The following NID2 variants were observed in gnomAD, a reference collection of about 807,000 sequenced individuals.
The protein encoded by NID2 is nidogen-2.
A neutral mutation model predicts 145.4 loss-of-function variants in NID2; 83 were observed. That is an observed-to-expected ratio of 0.57 (90% CI 0.48 to 0.69). The LOEUF is 0.69. Among genes scored for constraint, NID2 ranks in the 30% least tolerant of loss-of-function variants. The pLI, the probability that NID2 is intolerant of heterozygous loss-of-function variation, is 0.00. For synonymous variants in NID2, 739 were observed against 701.3 expected (o/e 1.05, Z -0.85); for missense variants, 1,807 against 1,765.7 (o/e 1.02, Z -0.42).
chr14:52,007,802 A>G lies in NID2; in HGVS notation c.3880+8T>C. On this transcript the variant is annotated splice_region_variant and intron_variant, in intron 19 of 21. Coordinates refer to ENST00000216286, the MANE Select transcript of NID2 (RefSeq NM_007361.4). ...GGTTATCTATTTGCATTCCATCAGT[A>G]GTATTACCTGCATCTGCCCAGCAGA... 6.2e-7 allele frequency: 1 copy of G among 1,611,332 alleles called. No individual in the cohort carries two copies. Among genetic ancestry groups the G allele is most frequent in the Admixed American group, 1.7e-5 (1 of 59,628 alleles).
Position 52,029,657 on chromosome 14 carries a change from T to C in NID2, c.2291A>G (p.Tyr764Cys), listed in dbSNP as rs1891728132. Residue 764 changes from tyrosine to cysteine, a missense_variant, in exon 10 of 22, where the codon TAT becomes TGT. Tyr to Cys is a radical substitution (Grantham distance 194). Coordinates refer to ENST00000216286, the MANE Select transcript of NID2 (RefSeq NM_007361.4). Reference protein sequence around the residue: ...DSDPTPGNPCYDGSHMCDTTA... With the variant: ...DSDPTPGNPCCDGSHMCDTTA... ...TGTGTCACACATGTGGCTCCCATCATAGCAAGGATTCCCCGGAGTGGGGTC... is the reference window on the plus strand; with the variant it reads ...TGTGTCACACATGTGGCTCCCATCACAGCAAGGATTCCCCGGAGTGGGGTC... 1 of 1,614,028 alleles carries C rather than the reference T, an allele frequency of 6.2e-7. No individual in the cohort carries two copies. Among genetic ancestry groups the C allele is most frequent in the South Asian group, 1.1e-5 (1 of 91,072 alleles).
At chr14:52,009,405 A>G (rs761651485) in intron 18 of NID2, 3 of 152,216 alleles carry the variant, frequency 2.0e-5, no homozygotes, top group Non-Finnish European at 2.9e-5. Flanking sequence ...TAGAAAGCAA[A>G]TGAGAAATAT....
chr14:52,065,680 G>T (rs1893177782), intron 2 of NID2, among the ~76,000 whole-genome samples: 1 of 84,778 alleles, frequency 1.2e-5, no homozygotes, highest in African/African-American at 5.7e-5. Flanking sequence ...ACAGTCCCCA[G>T]AGTGTGATAT....
chr14:52,030,421 T>C (rs1891759754), intron 9 of NID2, among the ~76,000 whole-genome samples: 1 of 149,844 alleles, frequency 6.7e-6, no homozygotes, highest in Non-Finnish European at 1.5e-5. Context: ...GAGGATAGTT[T>C]GAAGCCAGGA....
intron 12 of NID2, among the ~76,000 whole-genome samples, chr14:52,022,187 C>T (rs1265282309): frequency 6.7e-6 from 1 of 150,048 alleles, no homozygotes; most frequent in East Asian, 1.9e-4. Flanking sequence ...AACCTTCAGC[C>T]TAAGAATTCT....
chr14:52,042,809 C>T lies in NID2; in HGVS notation c.1552G>A (p.Gly518Arg), dbSNP rs1353733078. ...TCAGGCAGACAGTGCTTCCCATTTCCATAAAACTTGGATTGGCAGTGGCAG... is the reference window on the plus strand; with the variant it reads ...TCAGGCAGACAGTGCTTCCCATTTCTATAAAACTTGGATTGGCAGTGGCAG... The part of the protein sequence containing the change: ...FCCHCQSKFY[G>R]NGKHCLPEGA... Residue 518 changes from glycine to arginine, a missense_variant, in exon 6 of 22, where the codon GGA becomes AGA. Gly to Arg is a moderately radical substitution (Grantham distance 125, BLOSUM62 -2). Transcript: ENST00000216286. The T allele has an allele frequency of 6.2e-7, 1 of 1,614,122 alleles. No individual in the cohort carries two copies. The highest frequency in any genetic ancestry group is 8.5e-7 in the Non-Finnish European group (1 of 1,179,998).
At chr14:52,013,883 A>G (rs1891118211) in intron 16 of NID2, among the ~76,000 whole-genome samples, 2 of 152,200 alleles carry the variant, frequency 1.3e-5, no homozygotes, top group South Asian at 2.1e-4. Context: ...AACAAACCGC[A>G]GAGATCACAC....
intron 13 of NID2, 120 bp downstream of exon 13, chr14:52,019,938 CA>C (rs1377675107): frequency 1.4e-6 from 2 of 1,381,450 alleles, no homozygotes; most frequent in African/African-American, 1.5e-5. Context: ...GAAAAAAATC[CA>C]CAGCTTGGAA....
intron 9 of NID2, among the ~76,000 whole-genome samples, chr14:52,033,410 A>C (rs950798691): frequency 6.6e-6 from 1 of 152,164 alleles, no homozygotes. Context: ...ACCAACCAAC[A>C]ACAACAAAAA....
intron 9 of NID2, among the ~76,000 whole-genome samples, chr14:52,037,481 A>G (rs1242000795): frequency 6.6e-6 from 1 of 152,128 alleles, no homozygotes; most frequent in Non-Finnish European, 1.5e-5. Context: ...TTGACTTTTA[A>G]TGTGAGTATT....
rs773630715 is a variant in NID2, at chr14:52,015,214, G to A, written c.3090C>T (p.Tyr1030=). The change falls in exon 15 of 22, where the codon TAC becomes TAT. Residue 1030 remains tyrosine, a synonymous_variant. Transcript: ENST00000216286. ...ACTGGTCATCCCGGGGGGTGCCACC[G>A]TAGTGCTCCAGCAGGTTTTCCCTCC... ...ERWRENLLEH[Y]GGTPRDDQYV... is the part of the protein sequence containing the mutation. 1.1e-5 allele frequency: 18 copies of A among 1,613,622 alleles called. No homozygotes were observed. Among genetic ancestry groups the A allele is most frequent in the Admixed American group, 5.0e-5 (3 of 59,986 alleles).
At chr14:52,030,568 G>GA (rs1555363723) in intron 9 of NID2, among the ~76,000 whole-genome samples, 2 of 37,696 alleles carry the variant, frequency 5.3e-5, no homozygotes, top group African/African-American at 9.3e-5. Context: ...AAGAAAGAAA[G>GA]GAAGGAAGGG....
intron 5 of NID2, among the ~76,000 whole-genome samples, chr14:52,050,160 G>A (rs1442838303): frequency 1.3e-5 from 2 of 152,144 alleles, no homozygotes; most frequent in East Asian, 3.8e-4. Context: ...GCAGGCTTAA[G>A]AATAACTAAG....
chr14:52,013,509 C>T (rs553096328), intron 16 of NID2, among the ~76,000 whole-genome samples: 40 of 152,240 alleles, frequency 2.6e-4, no homozygotes, highest in African/African-American at 8.9e-4. Context: ...ACTTGAATGC[C>T]GTACTATTCT....
chr14:52,026,962 G>T (rs560119389), intron 12 of NID2, among the ~76,000 whole-genome samples: 5 of 152,200 alleles, frequency 3.3e-5, no homozygotes, highest in Admixed American at 6.5e-5. Flanking sequence ...AGAAGCTCCC[G>T]AGTGCTACAG....
At chr14:52,030,516 AAAAGAAAGAAAGAAAGAAAG>A (rs535564581) in intron 9 of NID2, among the ~76,000 whole-genome samples, 60 of 63,078 alleles carry the variant, frequency 9.5e-4, no homozygotes, top group African/African-American at 3.0e-3. Context: ...AGAAAGAAAG[AAAAGAAAGAAAGAAAGAAAG>A]AAAGAAAGAA....
intron 18 of NID2, 36 bp from the exon 19 acceptor site, chr14:52,008,003 C>A (rs1476284): frequency 6.4e-7 from 1 of 1,570,582 alleles, no homozygotes. Flanking sequence ...AAAGAATAGC[C>A]ATGTAGCCTG....
chr14:52,020,367 A>G (rs1891359196), intron 12 of NID2, 189 bp from the exon 13 acceptor site: 2 of 847,530 alleles, frequency 2.4e-6, no homozygotes, highest in Non-Finnish European at 1.7e-6. Flanking sequence ...AAGAAAAAAA[A>G]TCAAGGAACA....
At chr14:52,066,661 CAG>C (rs1303318127) in intron 2 of NID2, among the ~76,000 whole-genome samples, 13 of 152,170 alleles carry the variant, frequency 8.5e-5, no homozygotes, top group African/African-American at 3.1e-4. Flanking sequence ...AGATAGAGAT[CAG>C]TGACATGGGC....
Sources: allele counts gnomAD v4.1 joint callset (sites outside exome capture counted in the v4.1 genomes callset), GRCh38; gene constraint gnomAD v4.1.1; transcripts MANE v1.5; gene names NCBI Gene and HGNC (gene_info 2026-07-23, HGNC 2026-07-21).